LRIG2: variants seen among roughly 807,000 people sequenced by gnomAD.
LRIG2 encodes the protein leucine-rich repeats and immunoglobulin-like domains protein 2.
Under a neutral mutation model 107.8 loss-of-function variants are expected in LRIG2, and 93 were observed. The observed-to-expected ratio is 0.86, with a 90% CI of 0.73 to 1.03. The LOEUF is 1.03. Among genes scored for constraint, LRIG2 ranks in the 50% least tolerant of loss-of-function variants. LRIG2 has a pLI of 0.00. For missense variants in LRIG2, 1,226 were observed against 1,296.0 expected, an observed-to-expected ratio of 0.95 and a Z score of 0.83; for synonymous variants, 471 against 470.6, an observed-to-expected ratio of 1.00 and a Z score of -0.01.
At position 113,126,747 on chromosome 1, in the gene LRIG2, C is replaced by G. The variant is rs1655499198; in HGVS notation, c.*2646C>G. The stretch of plus-strand genomic sequence containing the variant: ...CATCCACCTCTGTTTTCACCTGATT[C>G]TTGTGGGGAATCCTCTTTAATTTGT... On this transcript the variant is annotated 3_prime_UTR_variant, in exon 18 of 18. Transcript: ENST00000361127. 6.4e-6 allele frequency: 1 copy of G among 156,106 alleles called. No individual in the cohort carries two copies. Among genetic ancestry groups the G allele is most frequent in the Admixed American group, 6.5e-5 (1 of 15,280 alleles). 9.7% of individuals were successfully genotyped at this position (156,106 alleles called of 1,614,324 possible).
At chr1:113,098,628 A>G in intron 8 of LRIG2, 77 bp from the exon 9 acceptor site, 1 of 866,400 alleles carries the variant, frequency 1.2e-6, no homozygotes. Flanking sequence ...CCTTGACATC[A>G]CCATACCAGG....
chr1:113,092,700 A>G (rs1487673327), intron 2 of LRIG2, among the ~76,000 whole-genome samples: 1 of 152,236 alleles, frequency 6.6e-6, no homozygotes. Context: ...CTATGAAAAT[A>G]CATTTCTTGG....
intron 11 of LRIG2, among the ~76,000 whole-genome samples, chr1:113,104,643 T>C (rs1046340758): frequency 6.6e-6 from 1 of 151,984 alleles, no homozygotes; most frequent in African/African-American, 2.4e-5. Flanking sequence ...GCCTCCTGAA[T>C]AGCTGGGATT....
intron 1 of LRIG2, among the ~76,000 whole-genome samples, chr1:113,084,211 TTC>T (rs1470340131): frequency 3.0e-5 from 2 of 65,652 alleles, no homozygotes; most frequent in Admixed American, 5.6e-4. Context: ...CTTTACTTAA[TTC>T]TTTTTTTTTT....
chr1:113,113,673 C>T (rs978473499), intron 14 of LRIG2, among the ~76,000 whole-genome samples: 2 of 151,786 alleles, frequency 1.3e-5, no homozygotes, highest in African/African-American at 4.8e-5. Context: ...AGTGATTCTC[C>T]TGCCTCAGCC....
chr1:113,102,242 T>G (rs1654336807), intron 11 of LRIG2, among the ~76,000 whole-genome samples: 1 of 148,466 alleles, frequency 6.7e-6, no homozygotes, highest in African/African-American at 2.5e-5. Flanking sequence ...CATTAGTCGT[T>G]CTCTTCATTT....
At chr1:113,100,892 T>C (rs77314852) in intron 11 of LRIG2, among the ~76,000 whole-genome samples, 46 of 152,320 alleles carry the variant, frequency 3.0e-4, no homozygotes, top group Non-Finnish European at 5.7e-4. Flanking sequence ...ACAGTTAGTA[T>C]AATTGTCAGA....
At position 113,114,523 on chromosome 1, in the gene LRIG2, G is replaced by T. The variant is rs774407744; in HGVS notation, c.2177G>T (p.Arg726Leu). Residue 726 changes from arginine to leucine, a missense_variant, in exon 15 of 18, where the codon CGT (arginine) becomes CTT (leucine). Around this residue, in one of 3 missense-constraint regions of LRIG2, gnomAD observed 642 missense variants for 712.2 expected, o/e 0.90. Coordinates refer to ENST00000361127, the MANE Select transcript of LRIG2 (RefSeq NM_014813.3). ...ATAGCTGGAGGGAGTCCTGCCCCTC[G>T]TCTCAACTGGACTAAAGATGATGGG... ...QCIAGGSPAPRLNWTKDDGPL... is the reference protein window; with the variant it reads ...QCIAGGSPAPLLNWTKDDGPL... 3.1e-6 allele frequency: 5 copies of T among 1,613,802 alleles called. No homozygotes were observed. The highest frequency in any genetic ancestry group is 1.1e-5 in the South Asian group (1 of 91,076).
chr1:113,099,666 C>T (rs1274625091), intron 9 of LRIG2, among the ~76,000 whole-genome samples: 5 of 152,108 alleles, frequency 3.3e-5, no homozygotes, highest in African/African-American at 4.8e-5. Context: ...AAAAGGAATG[C>T]ATTGAGAAAG....
In LRIG2 at chr1:113,126,284, A is replaced by T. The variant is rs1655484770; in HGVS notation, c.*2183A>T. 1 of 153,466 alleles carries T rather than the reference A, an allele frequency of 6.5e-6. No individual in the cohort carries two copies. Among genetic ancestry groups the T allele is most frequent in the African/African-American group, 2.4e-5 (1 of 41,530 alleles). 9.5% of individuals were successfully genotyped at this position (153,466 alleles called of 1,614,324 possible). Reference sequence around the variant, plus strand: ...GTATATTATCATGAAATATTTGTGAAATTTCTCACCATGAATTTGGAGGGA... The same window carrying T: ...GTATATTATCATGAAATATTTGTGATATTTCTCACCATGAATTTGGAGGGA... On this transcript the variant is annotated 3_prime_UTR_variant, in exon 18 of 18. Transcript: ENST00000361127.
At chr1:113,102,505 C>T (rs1046943346) in intron 11 of LRIG2, among the ~76,000 whole-genome samples, 4 of 151,946 alleles carry the variant, frequency 2.6e-5, no homozygotes, top group Non-Finnish European at 4.4e-5. Context: ...CTCCTGACCT[C>T]ATGATCCGCC....
At position 113,119,392 on chromosome 1, in the gene LRIG2, T is replaced by G. The variant is rs1409069100; in HGVS notation, c.2840T>G (p.Leu947Ter). The G allele has an allele frequency of 6.2e-7, 1 of 1,613,950 alleles. No homozygotes were observed. Among genetic ancestry groups the G allele is most frequent in the East Asian group, 2.2e-5 (1 of 44,884 alleles). ...LMVQMPKETYLVHPPQDTTAL... is the reference protein window; with the variant it reads ...LMVQMPKETY ...GTCCAAATGCCTAAAGAGACATATT[T>G]AGTACATCCTCCCCAGGATACTACT... is the stretch of plus-strand genomic sequence containing the variant. Residue 947 changes from leucine to a stop codon, truncating the protein, a stop_gained, in exon 17 of 18, where the codon TTA becomes TGA. Transcript: ENST00000361127. LOFTEE classifies it high-confidence loss of function.
At chr1:113,089,975 G>A (rs953379743) in intron 1 of LRIG2, among the ~76,000 whole-genome samples, 4 of 151,584 alleles carry the variant, frequency 2.6e-5, no homozygotes, top group African/African-American at 7.3e-5. Flanking sequence ...GATTACAGGC[G>A]TGAGCCACTA....
At position 113,073,512 on chromosome 1, in the gene LRIG2, C is replaced by T. The variant is rs531847370; in HGVS notation, c.106C>T (p.Pro36Ser). 11 of 1,614,068 alleles carry T rather than the reference C, an allele frequency of 6.8e-6. No individual in the cohort carries two copies. The African/African-American group carries it at 1.2e-4, about 18-fold the overall frequency. Reference protein sequence around the residue: ...FIAQTALLLLPAAGAGLCPAP... With the variant: ...FIAQTALLLLSAAGAGLCPAP... ...TGCCCAGACCGCTCTCCTCCTGTTG[C>T]CCGCCGCCGGAGCAGGTCTCTGCCC... Residue 36 changes from proline (P) to serine (S), a missense_variant, in exon 1 of 18, where the codon CCC becomes TCC. By Grantham distance (74) the Pro-to-Ser change is moderately conservative. Transcript: ENST00000361127.
intron 1 of LRIG2, among the ~76,000 whole-genome samples, chr1:113,083,367 A>C (rs1653379059): frequency 9.5e-6 from 1 of 105,738 alleles, no homozygotes; most frequent in African/African-American, 3.6e-5. Flanking sequence ...TTTTTTTGAG[A>C]CGGAGTCTTG....
chr1:113,114,135 CTTTT>C (rs71590540), intron 14 of LRIG2, among the ~76,000 whole-genome samples: 1 of 150,946 alleles, frequency 6.6e-6, no homozygotes. Flanking sequence ...CTTTGAATTT[CTTTT>C]TTTTTAAGTT....
intron 11 of LRIG2, among the ~76,000 whole-genome samples, chr1:113,107,085 T>C (rs574174733): frequency 2.0e-4 from 30 of 152,242 alleles, no homozygotes; most frequent in African/African-American, 7.0e-4. Flanking sequence ...CAAATATATA[T>C]ATACATATAT....
chr1:113,080,832 A>C (rs903481251), intron 1 of LRIG2, among the ~76,000 whole-genome samples: 1 of 149,678 alleles, frequency 6.7e-6, no homozygotes, highest in Non-Finnish European at 1.5e-5. Flanking sequence ...TGGGAACACT[A>C]AAAGTTTTTT....
intron 11 of LRIG2, among the ~76,000 whole-genome samples, chr1:113,104,356 G>T (rs1241332723): frequency 1.3e-5 from 2 of 152,080 alleles, no homozygotes; most frequent in Non-Finnish European, 2.9e-5. Flanking sequence ...TCTCTCAGGG[G>T]ACTTGGGGAC....
Sources: allele counts gnomAD v4.1 joint callset (sites outside exome capture counted in the v4.1 genomes callset), GRCh38; gene constraint gnomAD v4.1.1; regional missense constraint gnomAD v4.1.1; transcripts MANE v1.5; gene names NCBI Gene and HGNC (gene_info 2026-07-23, HGNC 2026-07-21).